Variants in IGF2R observed in about 807,000 individuals in gnomAD.
IGF2R encodes insulin like growth factor 2 receptor.
A neutral mutation model predicts 270.6 loss-of-function variants in IGF2R; 91 were observed. The ratio of observed to expected loss-of-function variants is 0.34; its 90% confidence interval spans 0.28 to 0.40. The LOEUF (loss-of-function observed/expected upper bound fraction) is 0.40, where lower values mean the gene tolerates loss of function less well. IGF2R is among the 10% of genes least tolerant of loss of function. The pLI is 1.00. For synonymous variants in IGF2R, 1,316 were observed against 1,258.9 expected (o/e 1.05, Z -0.96); for missense variants, 2,805 against 3,188.3 (o/e 0.88, Z 2.90).
intron 4 of IGF2R, among the ~76,000 whole-genome samples, chr6:160,022,315 C>G (rs749782957): frequency 6.6e-6 from 1 of 152,286 alleles, no homozygotes; most frequent in Non-Finnish European, 1.5e-5. Flanking sequence ...TATTCCAGTG[C>G]TGGTTACACT....
Position 160,001,727 on chromosome 6 carries a change from A to G in IGF2R, c.290-7283A>G, listed in dbSNP as rs535832256. ...GAGCTCAGAAGAAATTAAAAAAATC[A>G]TACATTAGTTTTTCCTTAGGCAAAC... On this transcript the variant is annotated intron_variant, in intron 2 of 47. Coordinates refer to ENST00000356956, the MANE Select transcript of IGF2R (RefSeq NM_000876.4). Among the ~76,000 whole-genome samples, 82 of 152,364 alleles carry G rather than the reference A, an allele frequency of 5.4e-4. 1 individual carries two copies. The highest frequency in any genetic ancestry group is 2.9e-3 in the Admixed American group (45 of 15,304).
At chr6:160,072,467 G>A (rs189381183) in intron 32 of IGF2R, among the ~76,000 whole-genome samples, 1 of 152,344 alleles carries the variant, frequency 6.6e-6, no homozygotes, top group Admixed American at 6.5e-5. Flanking sequence ...GCAGCAAGAG[G>A]TGTGCTGGGC....
In IGF2R at chr6:160,073,870, C is replaced by A. The variant is rs2115276412; in HGVS notation, c.5061C>A (p.Asn1687Lys). 6.2e-7 allele frequency: 1 copy of A among 1,614,052 alleles called. No homozygotes were observed. Among genetic ancestry groups the A allele is most frequent in the South Asian group, 1.1e-5 (1 of 91,086 alleles). Residue 1687 changes from asparagine (N) to lysine (K), a missense_variant, in exon 35 of 48, where the codon AAC (asparagine) becomes AAA (lysine). Transcript: ENST00000356956. ...DESEDDASDT[N>K]PDFYINICQP... ...GTGAGGATGATGCCTCCGATACCAACCCTGATTTCTACATCAATATTTGTC... is the reference window on the plus strand; with the variant it reads ...GTGAGGATGATGCCTCCGATACCAAACCTGATTTCTACATCAATATTTGTC...
At chr6:160,009,261 C>A in intron 3 of IGF2R, 127 bp downstream of exon 3, 1 of 741,682 alleles carries the variant, frequency 1.3e-6, no homozygotes, top group Non-Finnish European at 2.1e-6. Context: ...AAGAAAAACC[C>A]TACCAAATGA....
rs3822843 is a variant in IGF2R at position 160,004,215 on chromosome 6, T to C, written c.290-4795T>C. ...AAGTAGGACAGGAAGGGTTCTCTGT[T>C]TGCCTTGTAGGTTCTAATTGCCATG... On this transcript the variant is annotated intron_variant, in intron 2 of 47. Coordinates refer to ENST00000356956, the MANE Select transcript of IGF2R (RefSeq NM_000876.4). The surrounding 1 kb of genome is among the most constrained non-coding windows in gnomAD (Gnocchi z 5.2). The C allele has an allele frequency of 0.21, 31,510 of 152,144 alleles. 3,966 individuals are homozygous for C. Among genetic ancestry groups the C allele is most frequent in the East Asian group, 0.57 (2,931 of 5,160 alleles). 9.4% of individuals were successfully genotyped at this position (152,144 alleles called of 1,614,324 possible).
In IGF2R at chr6:160,060,530, G is replaced by A. The variant is rs111609457; in HGVS notation, c.3092-17G>A. The A allele has an allele frequency of 7.8e-4, 1,262 of 1,613,648 alleles. 13 individuals are homozygous for A. The African/African-American group carries it at 0.013, about 17-fold the overall frequency. ...TACTGTTCTGTCTCTTAAAATCTGGGCCTTCTTGCTTTACAGGTACCGCTG... is the reference window on the plus strand; with the variant it reads ...TACTGTTCTGTCTCTTAAAATCTGGACCTTCTTGCTTTACAGGTACCGCTG... On this transcript the variant is annotated splice_polypyrimidine_tract_variant and intron_variant, in intron 22 of 47. Transcript: ENST00000356956.
rs771890925 is a variant in IGF2R at position 160,089,117 on chromosome 6, G to A, written c.6331G>A (p.Asp2111Asn). 1 of 1,612,978 alleles carries A rather than the reference G, an allele frequency of 6.2e-7. No homozygotes were observed. Among genetic ancestry groups the A allele is most frequent in the Non-Finnish European group, 8.5e-7 (1 of 1,179,330 alleles). The change falls in exon 43 of 48, where the codon GAC becomes AAC. Residue 2111 changes from aspartate to asparagine, a missense_variant. Asp to Asn is a conservative substitution (Grantham distance 23). This residue lies in a region of IGF2R where 1,851 missense variants were observed against 2,207.2 expected (regional missense o/e 0.84). Coordinates refer to ENST00000356956, the MANE Select transcript of IGF2R (RefSeq NM_000876.4). ...GRPAFKRFDIDSCTYYFSWDS... is the reference protein window; with the variant it reads ...GRPAFKRFDINSCTYYFSWDS... ...CTTCCCTCCTCCTAGGTTTGATATC[G>A]ACAGCTGCACTTACTACTTCAGCTG...
At chr6:159,996,825 T>C (rs1784061023) in intron 2 of IGF2R, among the ~76,000 whole-genome samples, 2 of 152,224 alleles carry the variant, frequency 1.3e-5, no homozygotes, top group African/African-American at 2.4e-5. Context: ...GCAGGAATGC[T>C]GTGGGTCCGT....
chr6:159,982,204 C>A (rs1783816718), intron 1 of IGF2R, among the ~76,000 whole-genome samples: 2 of 152,158 alleles, frequency 1.3e-5, no homozygotes, highest in Non-Finnish European at 2.9e-5. Flanking sequence ...AGTGTGGGAA[C>A]CCTGCCTCCT....
chr6:159,988,532 A>G (rs947518563), intron 1 of IGF2R, among the ~76,000 whole-genome samples: 9 of 151,810 alleles, frequency 5.9e-5, no homozygotes, highest in African/African-American at 2.2e-4. Context: ...AAAAAAAAAA[A>G]AAAAGAAAAG....
chr6:160,041,631 A>G (rs578119746), intron 11 of IGF2R, among the ~76,000 whole-genome samples: 8 of 152,234 alleles, frequency 5.3e-5, no homozygotes, highest in Non-Finnish European at 8.8e-5. Context: ...GGGTGACAGC[A>G]CTGCTGCTCC....
intron 10 of IGF2R, 65 bp downstream of exon 10, chr6:160,034,587 A>C (rs1362001576): frequency 9.4e-7 from 1 of 1,064,322 alleles, no homozygotes; most frequent in Non-Finnish European, 1.5e-6. Flanking sequence ...GTGTGTGTGC[A>C]CAGGCGTGTT....
At chr6:160,052,325 C>A in intron 19 of IGF2R, among the ~76,000 whole-genome samples, 1 of 152,206 alleles carries the variant, frequency 6.6e-6, no homozygotes, top group Non-Finnish European at 1.5e-5. Flanking sequence ...AGTGAACTCC[C>A]ATTCACAATT....
chr6:160,021,360 G>A (rs1445535410), intron 4 of IGF2R, among the ~76,000 whole-genome samples: 2 of 145,720 alleles, frequency 1.4e-5, no homozygotes, highest in Non-Finnish European at 3.0e-5. Context: ...ACCAAACATC[G>A]TATGTTCTCA....
chr6:160,039,936 G>A (rs1777908373), intron 10 of IGF2R, among the ~76,000 whole-genome samples: 1 of 152,172 alleles, frequency 6.6e-6, no homozygotes, highest in African/African-American at 2.4e-5. Flanking sequence ...TTTGAGGAGG[G>A]TGTTACAGAC....
intron 1 of IGF2R, among the ~76,000 whole-genome samples, chr6:159,990,786 C>T (rs745511573): frequency 2.0e-5 from 3 of 152,160 alleles, no homozygotes; most frequent in African/African-American, 7.2e-5. Flanking sequence ...TGTGCCACCA[C>T]GCCCAGCTAA....
intron 13 of IGF2R, 149 bp from the exon 14 acceptor site, chr6:160,045,596 G>C: frequency 9.4e-6 from 8 of 854,530 alleles, no homozygotes; most frequent in Middle Eastern, 4.6e-4. Context: ...GAATGCTACA[G>C]TATTTGTAGG....
chr6:160,047,058 G>A, intron 15 of IGF2R, 101 bp from the exon 16 acceptor site: 2 of 1,094,596 alleles, frequency 1.8e-6, no homozygotes, highest in South Asian at 2.6e-5. Flanking sequence ...CCTGGTTCTG[G>A]TGACTCCTCA....
At chr6:159,971,850 T>A (rs1348860803) in intron 1 of IGF2R, among the ~76,000 whole-genome samples, 1 of 152,138 alleles carries the variant, frequency 6.6e-6, no homozygotes, top group Non-Finnish European at 1.5e-5. Flanking sequence ...AGAGATGACG[T>A]CTTGCTATGT....
Sources: allele counts gnomAD v4.1 joint callset (sites outside exome capture counted in the v4.1 genomes callset), GRCh38; gene constraint gnomAD v4.1.1; regional missense constraint gnomAD v4.1.1; non-coding constraint Gnocchi (gnomAD v3.1); transcripts MANE v1.5; gene names NCBI Gene and HGNC (gene_info 2026-07-23, HGNC 2026-07-21).